The following ACVR2B variants were observed in gnomAD, a reference collection of about 807,000 sequenced individuals.
ACVR2B encodes activin A receptor type 2B, also known as activin receptor type-2B.
ACVR2B carries 18 observed loss-of-function variants against 65.1 expected under a neutral mutation model. That is an observed-to-expected ratio of 0.28 (90% CI 0.19 to 0.41). The LOEUF (loss-of-function observed/expected upper bound fraction) is 0.41, where lower values mean the gene tolerates loss of function less well. Among genes scored for constraint, ACVR2B ranks in the 10% least tolerant of loss-of-function variants. The pLI is 1.00. For synonymous variants in ACVR2B, 298 were observed against 277.7 expected (o/e 1.07, Z -0.73); for missense variants, 482 against 682.7 (o/e 0.71, Z 3.28).
Position 38,478,302 on chromosome 3 carries a change from T to C in ACVR2B, c.522+10T>C. The C allele has an allele frequency of 1.9e-6, 3 of 1,613,872 alleles. No individual in the cohort carries two copies. Among genetic ancestry groups the C allele is most frequent in the Non-Finnish European group, 1.7e-6 (2 of 1,179,938 alleles). ...TGTGGACATCCATGAGGTGAGACAG[T>C]GCTGGCTTGGGGCAGGGCAGGATAG... On this transcript the variant is annotated intron_variant, in intron 4 of 10. Coordinates refer to ENST00000352511, the MANE Select transcript of ACVR2B (RefSeq NM_001106.4).
In ACVR2B at chr3:38,479,801, G is replaced by T. The variant is rs766812621; in HGVS notation, c.934G>T (p.Gly312Cys). The T allele has an allele frequency of 6.2e-7, 1 of 1,614,228 alleles. No homozygotes were observed. The highest frequency in any genetic ancestry group is 8.5e-7 in the Non-Finnish European group (1 of 1,180,040). ...GGATGTGCCCTGGTGCCGTGGCGAG[G>T]GCCACAAGCCGTCTATTGCCCACAG... is the stretch of plus-strand genomic sequence containing the variant. ...HEDVPWCRGE[G>C]HKPSIAHRDF... The change falls in exon 7 of 11, where the codon GGC becomes TGC. Residue 312 changes from glycine to cysteine, a missense_variant. Gly to Cys is a radical substitution (Grantham distance 159). Transcript: ENST00000352511.
intron 1 of ACVR2B, chr3:38,473,490 A>G (rs549260555): frequency 6.6e-6 from 1 of 152,490 alleles, no homozygotes; most frequent in African/African-American, 2.4e-5. Context: ...GCCAGAGGCT[A>G]TAAATAGCTG....
intron 1 of ACVR2B, chr3:38,475,747 A>G (rs1559651992): frequency 1.3e-5 from 2 of 152,488 alleles, no homozygotes; most frequent in East Asian, 3.9e-4. Flanking sequence ...TGTTCAGGGT[A>G]CTTTGCCCTC....
intron 1 of ACVR2B, among the ~76,000 whole-genome samples, chr3:38,457,715 G>A (rs1709573365): frequency 1.3e-5 from 2 of 152,316 alleles, no homozygotes; most frequent in South Asian, 2.1e-4. Context: ...CTCTTGGAGA[G>A]GGACCTGCCT....
At position 38,481,514 on chromosome 3, in the gene ACVR2B, A is replaced by G; in HGVS notation, c.1074+49A>G. ...AGAGAGGGACAGACCCAGGGTAGAT[A>G]CTTTGCCCTTTTTGTGCTCAGCTGG... On this transcript the variant is annotated intron_variant, in intron 8 of 10. Transcript: ENST00000352511. This position sits in a 1 kb window ranked among gnomAD's most constrained non-coding sequence, Gnocchi z 4.7. The G allele has an allele frequency of 6.6e-7, 1 of 1,524,334 alleles. No individual in the cohort carries two copies. Among genetic ancestry groups the G allele is most frequent in the Non-Finnish European group, 9.1e-7 (1 of 1,099,044 alleles). The allele number at this position is 1,524,334 out of a possible 1,614,324, so 94.4% of individuals were successfully genotyped here.
At chr3:38,456,254 A>G (rs1262050240) in intron 1 of ACVR2B, among the ~76,000 whole-genome samples, 1 of 152,126 alleles carries the variant, frequency 6.6e-6, no homozygotes, top group Non-Finnish European at 1.5e-5. Context: ...TGACCTGTGG[A>G]GAACTGTGAA....
At position 38,481,234 on chromosome 3, in the gene ACVR2B, G is replaced by A; in HGVS notation, c.960-117G>A. The A allele has an allele frequency of 1.2e-6, 1 of 856,764 alleles. No homozygotes were observed. The highest frequency in any genetic ancestry group is 2.0e-6 in the Non-Finnish European group (1 of 500,076). The allele number at this position is 856,764 out of a possible 1,614,324, so 53.1% of individuals were successfully genotyped here. Reference sequence around the variant, plus strand: ...CTGCTTCACCTCTGCACCCCAGGTAGGGTGGGATGGCCTGGTCTGGGGCCT... The same window carrying A: ...CTGCTTCACCTCTGCACCCCAGGTAAGGTGGGATGGCCTGGTCTGGGGCCT... On this transcript the variant is annotated intron_variant, in intron 7 of 10. Coordinates refer to ENST00000352511, the MANE Select transcript of ACVR2B (RefSeq NM_001106.4). The surrounding 1 kb of genome is among the most constrained non-coding windows in gnomAD (Gnocchi z 4.7).
At position 38,478,277 on chromosome 3, in the gene ACVR2B, T is replaced by C. The variant is rs1477430904; in HGVS notation, c.507T>C (p.His169=). The part of the protein sequence containing the change: ...MYRHRKPPYG[H]VDIHEDPGPP... ...GGCATCGCAAGCCCCCCTACGGTCATGTGGACATCCATGAGGTGAGACAGT... is the reference window on the plus strand; with the variant it reads ...GGCATCGCAAGCCCCCCTACGGTCACGTGGACATCCATGAGGTGAGACAGT... Residue 169 remains histidine, a synonymous_variant, in exon 4 of 11, where the codon CAT becomes CAC. Coordinates refer to ENST00000352511, the MANE Select transcript of ACVR2B (RefSeq NM_001106.4). The C allele has an allele frequency of 6.2e-7, 1 of 1,613,896 alleles. No individual in the cohort carries two copies. Among genetic ancestry groups the C allele is most frequent in the Non-Finnish European group, 8.5e-7 (1 of 1,179,974 alleles).
intron 1 of ACVR2B, chr3:38,475,657 C>T (rs1709894589): frequency 1.3e-5 from 2 of 152,332 alleles, no homozygotes; most frequent in South Asian, 2.1e-4. Flanking sequence ...GGGGTATACC[C>T]TGGGAAATCA....
At chr3:38,459,873 G>C (rs1207352843) in intron 1 of ACVR2B, among the ~76,000 whole-genome samples, 2 of 152,164 alleles carry the variant, frequency 1.3e-5, no homozygotes, top group African/African-American at 4.8e-5. Flanking sequence ...TTGGCAGGCT[G>C]GCAGCCCCCT....
At chr3:38,459,952 T>C (rs946061501) in intron 1 of ACVR2B, among the ~76,000 whole-genome samples, 4 of 152,200 alleles carry the variant, frequency 2.6e-5, no homozygotes, top group African/African-American at 9.7e-5. Flanking sequence ...GGAACGCTTC[T>C]GTGGGACTCT....
At position 38,479,415 on chromosome 3, in the gene ACVR2B, C is replaced by G. The variant is rs549382805; in HGVS notation, c.810+144C>G. ...TAGCACTATCCACTATGGGGTTACT[C>G]CTGCCATAGGTGTGGACATTGGTTC... On this transcript the variant is annotated intron_variant, in intron 6 of 10. Transcript: ENST00000352511. 3.7e-5 allele frequency: 48 copies of G among 1,309,320 alleles called. No individual in the cohort carries two copies. The East Asian group carries it at 1.2e-3, about 31-fold the overall frequency. 81.1% of individuals were successfully genotyped at this position (1,309,320 alleles called of 1,614,324 possible).
chr3:38,464,715 T>C (rs980795668), intron 1 of ACVR2B, among the ~76,000 whole-genome samples: 3 of 152,122 alleles, frequency 2.0e-5, no homozygotes, highest in African/African-American at 4.8e-5. Flanking sequence ...CCCAAAGATA[T>C]AGAAGTTAGG....
intron 1 of ACVR2B, among the ~76,000 whole-genome samples, chr3:38,469,742 C>CTGA (rs1245792408): frequency 6.6e-6 from 1 of 152,216 alleles, no homozygotes; most frequent in Non-Finnish European, 1.5e-5. Context: ...AAAGGCCCCA[C>CTGA]TGAACATAAG....
Position 38,478,535 on chromosome 3 carries a change from C to T in ACVR2B, c.666+17C>T. The T allele has an allele frequency of 6.2e-7, 1 of 1,614,026 alleles. No individual in the cohort carries two copies. The highest frequency in any genetic ancestry group is 8.5e-7 in the Non-Finnish European group (1 of 1,179,976). On this transcript the variant is annotated intron_variant, in intron 5 of 10. Transcript: ENST00000352511. ...CCACTCCAGGTGAGTGTTTGAGGGG[C>T]TCCATCCAGGTCCTCTGCCTCCACT...
At chr3:38,469,913 G>GT (rs954840269) in intron 1 of ACVR2B, among the ~76,000 whole-genome samples, 79 of 151,598 alleles carry the variant, frequency 5.2e-4, no homozygotes, top group South Asian at 2.9e-3. Flanking sequence ...TGACCAGGAA[G>GT]TTTTTTTTTA....
intron 1 of ACVR2B, chr3:38,474,293 T>G (rs1709869908): frequency 6.6e-6 from 1 of 152,404 alleles, no homozygotes; most frequent in Admixed American, 6.5e-5. Flanking sequence ...ATCAGTGGCC[T>G]GGAGAGAGGA....
At chr3:38,455,284 G>A (rs949734932) in intron 1 of ACVR2B, among the ~76,000 whole-genome samples, 1 of 152,276 alleles carries the variant, frequency 6.6e-6, no homozygotes, top group Non-Finnish European at 1.5e-5. Flanking sequence ...GCGCCGGGAC[G>A]TCCCCTGGCC....
At position 38,458,649 on chromosome 3, in the gene ACVR2B, G is replaced by T. The variant is rs144328007; in HGVS notation, c.52+4275G>T. 3.8e-3 allele frequency among the ~76,000 whole-genome samples: 576 copies of T among 152,192 alleles called. 3 individuals are homozygous for T. Among genetic ancestry groups the T allele is most frequent in the Middle Eastern group, 0.014 (4 of 294 alleles). On this transcript the variant is annotated intron_variant, in intron 1 of 10. Transcript: ENST00000352511. ...TCAGCCCCTCTGCTTGGGAGCTCAG[G>T]GTAGTGCAAATGAGAACCAAGGAGT... is the stretch of plus-strand genomic sequence containing the variant.
Sources: gnomAD v4.1 joint callset for allele counts (sites outside exome capture counted in the v4.1 genomes callset) on GRCh38, gnomAD v4.1.1 for gene constraint, Gnocchi (gnomAD v3.1) non-coding constraint, MANE v1.5 for transcripts, NCBI Gene and HGNC (gene_info 2026-07-23, HGNC 2026-07-21) for gene names.